Variants in SEMA3B observed in about 807,000 individuals in gnomAD.
The protein encoded by SEMA3B is semaphorin-3B.
A neutral mutation model predicts 77.8 loss-of-function variants in SEMA3B; 71 were observed. That is an observed-to-expected ratio of 0.91 (90% CI 0.75 to 1.11). The LOEUF (loss-of-function observed/expected upper bound fraction) is 1.11, where lower values mean the gene tolerates loss of function less well. Among genes scored for constraint, SEMA3B ranks in the 50% most tolerant of loss-of-function variants. SEMA3B has a pLI of 0.00. For missense variants in SEMA3B, 968 were observed against 1,056.8 expected, an observed-to-expected ratio of 0.92 and a Z score of 1.17; for synonymous variants, 470 against 452.9, an observed-to-expected ratio of 1.04 and a Z score of -0.48.
In SEMA3B at chr3:50,274,779, G is replaced by A. The variant is rs1485295055; in HGVS notation, c.1358-64G>A. Reference sequence around the variant, plus strand: ...TGCTGAGGGTAGACGCCTCAAAGGCGAGGAGACACTAGCCCCAGCTGTCCG... The same window carrying A: ...TGCTGAGGGTAGACGCCTCAAAGGCAAGGAGACACTAGCCCCAGCTGTCCG... On this transcript the variant is annotated intron_variant, in intron 11 of 16. Coordinates refer to ENST00000616701, the MANE Select transcript of SEMA3B (RefSeq NM_001290060.2). This position sits in a 1 kb window ranked among gnomAD's most constrained non-coding sequence, Gnocchi z 4.7. 3.9e-6 allele frequency: 6 copies of A among 1,556,202 alleles called. No individual in the cohort carries two copies. The highest frequency in any genetic ancestry group is 1.1e-5 in the South Asian group (1 of 87,286).
chr3:50,276,162 T>G lies in SEMA3B; in HGVS notation c.1846-140T>G. 2 of 1,189,228 alleles carry G rather than the reference T, an allele frequency of 1.7e-6. No individual in the cohort carries two copies. The highest frequency in any genetic ancestry group is 2.3e-6 in the Non-Finnish European group (2 of 887,406). The allele number at this position is 1,189,228 out of a possible 1,614,324, so 73.7% of individuals were successfully genotyped here. A position where few individuals can be genotyped will look rare whatever the true frequency, so the allele number is the denominator to read the frequency against. The stretch of plus-strand genomic sequence containing the variant: ...ACCACCAGCTCCCAAACACTCAGCC[T>G]TAAAATGTGCGCCTGCGGGCACCCC... On this transcript the variant is annotated intron_variant, in intron 16 of 16. Coordinates refer to ENST00000616701, the MANE Select transcript of SEMA3B (RefSeq NM_001290060.2). The surrounding 1 kb of genome is among the most constrained non-coding windows in gnomAD (Gnocchi z 5.8).
At position 50,270,976 on chromosome 3, in the gene SEMA3B, C is replaced by T; in HGVS notation, c.417C>T (p.Thr139=). The T allele has an allele frequency of 1.2e-6, 2 of 1,610,126 alleles. No individual in the cohort carries two copies. The highest frequency in any genetic ancestry group is 2.2e-5 in the East Asian group (1 of 44,760). The change falls in exon 4 of 17, where the codon ACC becomes ACT. Residue 139 remains threonine (T), a synonymous_variant. Coordinates refer to ENST00000616701, the MANE Select transcript of SEMA3B (RefSeq NM_001290060.2). The surrounding 1 kb of genome is among the most constrained non-coding windows in gnomAD (Gnocchi z 4.7). ...GTGGCACGGGAGCCTTCCACCCAAC[C>T]TGTGCCTTTGTGGAAGTGGGCCACC... is the stretch of plus-strand genomic sequence containing the variant. ...LACGTGAFHP[T]CAFVEVGHRA... is the part of the protein sequence containing the mutation.
intron 6 of SEMA3B, 118 bp downstream of exon 6, chr3:50,271,598 C>T: frequency 2.1e-6 from 3 of 1,402,466 alleles, no homozygotes; most frequent in African/African-American, 2.9e-5. Context: ...AAATACCCTC[C>T]TTAATCAGGC....
rs1436596553 is a variant in SEMA3B, at chr3:50,269,838, C to T, written c.110-289C>T. On this transcript the variant is annotated intron_variant, in intron 1 of 16. Coordinates refer to ENST00000616701, the MANE Select transcript of SEMA3B (RefSeq NM_001290060.2). The surrounding 1 kb of genome is among the most constrained non-coding windows in gnomAD (Gnocchi z 4.0). ...CCAGTCTCCCCCAGGACTCTGGTGT[C>T]CATAAGCCTTGCCTCCCAGTGCGCC... 6.6e-6 allele frequency among the ~76,000 whole-genome samples: 1 copy of T among 152,142 alleles called. No individual in the cohort carries two copies. Among genetic ancestry groups the T allele is most frequent in the Non-Finnish European group, 1.5e-5 (1 of 68,014 alleles).
At chr3:50,269,052 A>G (rs1158191822), upstream of SEMA3B, 8 of 592,690 alleles carry the variant, frequency 1.3e-5, no homozygotes, top group Admixed American at 6.1e-5. This position sits in a 1 kb window ranked among gnomAD's most constrained non-coding sequence, Gnocchi z 4.0. Flanking sequence ...GAGGGTTCGG[A>G]AGTGGAATGC....
chr3:50,276,247 C>G lies in SEMA3B; in HGVS notation c.1846-55C>G. ...GCTTCTTCCGTCGCGTGCTAGGGCC[C>G]GGAAGCCCTGTTCCCGGCCCGACAC... is the stretch of plus-strand genomic sequence containing the variant. On this transcript the variant is annotated intron_variant, in intron 16 of 16. Transcript: ENST00000616701. The surrounding 1 kb of genome is among the most constrained non-coding windows in gnomAD (Gnocchi z 5.8). The G allele has an allele frequency of 2.1e-6, 3 of 1,433,314 alleles. No individual in the cohort carries two copies. Among genetic ancestry groups the G allele is most frequent in the Non-Finnish European group, 2.7e-6 (3 of 1,098,156 alleles). The allele number at this position is 1,433,314 out of a possible 1,614,324, so 88.8% of individuals were successfully genotyped here. A position where few individuals can be genotyped will look rare whatever the true frequency, so the allele number is the denominator to read the frequency against.
At position 50,276,588 on chromosome 3, in the gene SEMA3B, G is replaced by T; in HGVS notation, c.2132G>T (p.Arg711Leu). The change falls in exon 17 of 17, where the codon CGC (arginine) becomes CTC (leucine). Residue 711 changes from arginine to leucine, a missense_variant. Physicochemically the swap from Arg to Leu is moderately radical, Grantham distance 102. Transcript: ENST00000616701. The surrounding 1 kb of genome is among the most constrained non-coding windows in gnomAD (Gnocchi z 5.8). ...AGCGCGAACTCCCTGCGCATGTGCCGCCCGCAGCCTGCGCTGCAGTCACTG... is the reference window on the plus strand; with the variant it reads ...AGCGCGAACTCCCTGCGCATGTGCCTCCCGCAGCCTGCGCTGCAGTCACTG... The part of the protein sequence containing the change: ...GGSANSLRMC[R>L]PQPALQSLPL... 1 of 1,565,124 alleles carries T rather than the reference G, an allele frequency of 6.4e-7. No homozygotes were observed. Among genetic ancestry groups the T allele is most frequent in the Non-Finnish European group, 8.6e-7 (1 of 1,161,614 alleles).
rs367707188 is a variant in SEMA3B at position 50,275,821 on chromosome 3, G to A, written c.1822G>A (p.Ala608Thr). The change falls in exon 16 of 17, where the codon GCA becomes ACA. Residue 608 changes from alanine (A) to threonine (T), a missense_variant. Coordinates refer to ENST00000616701, the MANE Select transcript of SEMA3B (RefSeq NM_001290060.2). The surrounding 1 kb of genome is among the most constrained non-coding windows in gnomAD (Gnocchi z 7.5). ...GCGCGTGGAGTGGACTTTCCAGCGC[G>A]CAGGGGTGACAGCCCACACCCAGGT... Reference protein sequence around the residue: ...QARVEWTFQRAGVTAHTQVLA... With the variant: ...QARVEWTFQRTGVTAHTQVLA... The A allele has an allele frequency of 5.0e-6, 8 of 1,607,558 alleles. No homozygotes were observed. Among genetic ancestry groups the A allele is most frequent in the South Asian group, 1.1e-5 (1 of 90,736 alleles).
rs1553705191 is a variant in SEMA3B, at chr3:50,270,598, G to A, written c.330+103G>A. 26 of 1,526,492 alleles carry A rather than the reference G, an allele frequency of 1.7e-5. No individual in the cohort carries two copies. In the East Asian group the frequency reaches 5.7e-4, roughly 33 times the overall value. The allele number at this position is 1,526,492 out of a possible 1,614,324, so 94.6% of individuals were successfully genotyped here. A position where few individuals can be genotyped will look rare whatever the true frequency, so the allele number is the denominator to read the frequency against. On this transcript the variant is annotated intron_variant, in intron 3 of 16. Coordinates refer to ENST00000616701, the MANE Select transcript of SEMA3B (RefSeq NM_001290060.2). The surrounding 1 kb of genome is among the most constrained non-coding windows in gnomAD (Gnocchi z 4.7). ...GCCTGCCTGTTCTGGCTGGGATGAG[G>A]GCAGGGAGGTCGAGGTGGCTGAGGT... is the stretch of plus-strand genomic sequence containing the variant.
At chr3:50,266,375 C>T (rs1005000164), upstream of SEMA3B, among the ~76,000 whole-genome samples, 2 of 152,150 alleles carry the variant, frequency 1.3e-5, no homozygotes, top group East Asian at 1.9e-4. Flanking sequence ...AAGGGCCCTG[C>T]GGCTCCCACT....
upstream of SEMA3B, among the ~76,000 whole-genome samples, chr3:50,265,404 C>T (rs1553704325): frequency 6.6e-6 from 1 of 152,152 alleles, no homozygotes; most frequent in East Asian, 1.9e-4. Flanking sequence ...AGATGGGTGT[C>T]CCACCCCAAC....
chr3:50,273,934 G>C lies in SEMA3B; in HGVS notation c.1014G>C (p.Ala338=). Reference sequence around the variant, plus strand: ...CCAGCAGCATCTTCCAGGGCTCTGCGGTGTGCGTGTACAGCATGAACGACG... The same window carrying C: ...CCAGCAGCATCTTCCAGGGCTCTGCCGTGTGCGTGTACAGCATGAACGACG... ...STSSSIFQGS[A]VCVYSMNDVR... Residue 338 remains alanine, a synonymous_variant, in exon 10 of 17, where the codon GCG becomes GCC. Transcript: ENST00000616701. The surrounding 1 kb of genome is among the most constrained non-coding windows in gnomAD (Gnocchi z 6.5). 1 of 1,611,494 alleles carries C rather than the reference G, an allele frequency of 6.2e-7. No homozygotes were observed. Among genetic ancestry groups the C allele is most frequent in the Non-Finnish European group, 8.5e-7 (1 of 1,178,226 alleles).
upstream of SEMA3B, among the ~76,000 whole-genome samples, chr3:50,264,589 C>T (rs899303253): frequency 6.6e-6 from 1 of 152,194 alleles, no homozygotes; most frequent in Admixed American, 6.5e-5. Flanking sequence ...AGCCCTCCCC[C>T]AGAGCATTCA....
chr3:50,276,255 C>A lies in SEMA3B; in HGVS notation c.1846-47C>A. 2 of 1,439,106 alleles carry A rather than the reference C, an allele frequency of 1.4e-6. No homozygotes were observed. Among genetic ancestry groups the A allele is most frequent in the Non-Finnish European group, 1.8e-6 (2 of 1,101,136 alleles). The allele number at this position is 1,439,106 out of a possible 1,614,324, so 89.1% of individuals were successfully genotyped here. On this transcript the variant is annotated intron_variant, in intron 16 of 16. Coordinates refer to ENST00000616701, the MANE Select transcript of SEMA3B (RefSeq NM_001290060.2). This position sits in a 1 kb window ranked among gnomAD's most constrained non-coding sequence, Gnocchi z 5.8. The stretch of plus-strand genomic sequence containing the variant: ...CGTCGCGTGCTAGGGCCCGGAAGCC[C>A]TGTTCCCGGCCCGACACCCCCGCCT...
At position 50,269,313 on chromosome 3, in the gene SEMA3B, G is replaced by A. The variant is rs112023020; in HGVS notation, c.73G>A (p.Ala25Thr). 70 of 1,523,032 alleles carry A rather than the reference G, an allele frequency of 4.6e-5. 1 individual carries two copies. Among genetic ancestry groups the A allele is most frequent in the Non-Finnish European group, 5.4e-5 (61 of 1,140,022 alleles). The allele number at this position is 1,523,032 out of a possible 1,614,324, so 94.3% of individuals were successfully genotyped here. A position where few individuals can be genotyped will look rare whatever the true frequency, so the allele number is the denominator to read the frequency against. The change falls in exon 1 of 17, where the codon GCC becomes ACC. Residue 25 changes from alanine (A) to threonine (T), a missense_variant. Ala to Thr is a moderately conservative substitution (Grantham distance 58). Coordinates refer to ENST00000616701, the MANE Select transcript of SEMA3B (RefSeq NM_001290060.2). The surrounding 1 kb of genome is among the most constrained non-coding windows in gnomAD (Gnocchi z 4.0). ...CTGGGCAGTGGGGCTGGGGAGTGCC[G>A]CCCCCAGCCCCCCACGCCTTCGGCT... is the stretch of plus-strand genomic sequence containing the variant. ...LLWAVGLGSA[A>T]PSPPRLRLSF...
upstream of SEMA3B, among the ~76,000 whole-genome samples, chr3:50,265,445 G>T (rs895223679): frequency 3.3e-5 from 5 of 152,240 alleles, no homozygotes; most frequent in African/African-American, 1.2e-4. Context: ...CAGGGGCAAA[G>T]GGGCAGGCCC....
rs782449480 is a variant in SEMA3B, at chr3:50,275,485, C to A, written c.1649+26C>A. On this transcript the variant is annotated intron_variant, in intron 14 of 16. Transcript: ENST00000616701. This position sits in a 1 kb window ranked among gnomAD's most constrained non-coding sequence, Gnocchi z 7.5. ...GTGGGCGGGGTCGGGGTTGGGCCGC[C>A]GGGAGGGAGGCGAAGGGTCTTTCAC... 26 of 1,606,286 alleles carry A rather than the reference C, an allele frequency of 1.6e-5. No individual in the cohort carries two copies. In the South Asian group the frequency reaches 1.9e-4, roughly 12 times the overall value.
upstream of SEMA3B, chr3:50,262,615 A>G (rs1333656381): frequency 6.6e-6 from 1 of 152,216 alleles, no homozygotes; most frequent in African/African-American, 2.4e-5. Flanking sequence ...GATGGGCACT[A>G]ATATCCAAGA....
At chr3:50,262,120 A>G in the SEMA3B span, 1 of 152,132 alleles carries the variant, frequency 6.6e-6, no homozygotes, top group African/African-American at 2.4e-5. Context: ...ACATGGTGAA[A>G]CCCCGTCTCT....
Sources: allele counts gnomAD v4.1 joint callset (sites outside exome capture counted in the v4.1 genomes callset), GRCh38; gene constraint gnomAD v4.1.1; non-coding constraint Gnocchi (gnomAD v3.1); transcripts MANE v1.5; gene names NCBI Gene and HGNC (gene_info 2026-07-23, HGNC 2026-07-21).